ADAM29: variants seen among roughly 807,000 people sequenced by gnomAD.
The protein encoded by ADAM29 is disintegrin and metalloproteinase domain-containing protein 29.
For synonymous variants in ADAM29, 367 were observed against 342.3 expected (o/e 1.07, Z -0.80); for missense variants, 969 against 1,001.8 (o/e 0.97, Z 0.44).
chr4:174,977,961 G>C lies in ADAM29; in HGVS notation c.2436G>C (p.Gln812His), dbSNP rs759051071. The C allele has an allele frequency of 5.0e-6, 8 of 1,593,254 alleles. No individual in the cohort carries two copies. The highest frequency in any genetic ancestry group is 6.8e-6 in the Non-Finnish European group (8 of 1,168,520). ...SQRQPQLMPS[Q>H]SQPPVTPS ...GGCAACCTCAGTTGATGCCTTCCCA[G>C]AGTCAACCTCCTGTGACGCCCTCCT... The change falls in exon 5 of 5, where the codon CAG becomes CAC. Residue 812 changes from glutamine (Q) to histidine (H), a missense_variant. Coordinates refer to ENST00000359240, the MANE Select transcript of ADAM29 (RefSeq NM_014269.4).
Position 174,957,291 on chromosome 4 carries a change from C to G in ADAM29, c.-180-18055C>G, listed in dbSNP as rs1003366119. On this transcript the variant is annotated intron_variant, in intron 4 of 4. Transcript: ENST00000359240. ...TACTCACTCTGTAATGAGCTTAATG[C>G]TAAGGATTATATTATTGCAAATGAT... 3.1e-4 allele frequency among the ~76,000 whole-genome samples: 47 copies of G among 151,874 alleles called. 2 individuals carry two copies. The highest frequency in any genetic ancestry group is 3.0e-3 in the Admixed American group (45 of 15,252).
intron 2 of ADAM29, among the ~76,000 whole-genome samples, chr4:174,926,321 A>C (rs990484539): frequency 4.6e-5 from 7 of 152,168 alleles, no homozygotes; most frequent in Admixed American, 3.3e-4. Flanking sequence ...ACACAAGTTT[A>C]CTTAGCCTAA....
chr4:174,923,590 A>G (rs1743313624), intron 2 of ADAM29, among the ~76,000 whole-genome samples: 1 of 145,908 alleles, frequency 6.9e-6, no homozygotes, highest in Admixed American at 7.0e-5. Flanking sequence ...TTTAAAAAAT[A>G]TTTTCCACCA....
At chr4:174,945,867 C>G (rs772011666) in intron 4 of ADAM29, among the ~76,000 whole-genome samples, 2 of 152,048 alleles carry the variant, frequency 1.3e-5, no homozygotes, top group Non-Finnish European at 2.9e-5. Flanking sequence ...GTTTTTGCAC[C>G]AGTACCATGC....
chr4:174,976,741 GA>G lies in ADAM29; in HGVS notation c.1218del (p.Glu407LysfsTer10). On this transcript the variant is annotated frameshift_variant, in exon 5 of 5. Transcript: ENST00000359240. LOFTEE classifies it low-confidence loss of function (END_TRUNC). ...NVKRCGNGVV[E>X]EGEECDCGPL... ...GAAGCGCTGTGGGAATGGTGTTGTT[GA>G]AGAAGGAGAAGAGTGTGACTGTGGA... The G allele has an allele frequency of 6.2e-7, 1 of 1,613,964 alleles. No individual in the cohort carries two copies. The highest frequency in any genetic ancestry group is 8.5e-7 in the Non-Finnish European group (1 of 1,179,904).
At chr4:174,925,387 A>G (rs2110905675) in intron 2 of ADAM29, among the ~76,000 whole-genome samples, 1 of 152,300 alleles carries the variant, frequency 6.6e-6, no homozygotes, top group East Asian at 1.9e-4. Context: ...TCTGTAAATT[A>G]AAACGGTTTT....
At chr4:174,936,525 C>A (rs1186751974) in intron 3 of ADAM29, among the ~76,000 whole-genome samples, 1 of 151,964 alleles carries the variant, frequency 6.6e-6, no homozygotes, top group Non-Finnish European at 1.5e-5. Context: ...CCTGCCCTGG[C>A]AACTCATTAT....
At position 174,976,067 on chromosome 4, in the gene ADAM29, A is replaced by G. The variant is rs1338280379; in HGVS notation, c.542A>G (p.Asp181Gly). The change falls in exon 5 of 5, where the codon GAT becomes GGT. Residue 181 changes from aspartate to glycine, a missense_variant. Transcript: ENST00000359240. The part of the protein sequence containing the change: ...ITCRMEFEEI[D>G]NSTQKQSSYV... ...TGCCGAATGGAATTTGAAGAAATTG[A>G]TAATTCCACTCAGAAGCAAAGTTCT... 6 of 1,610,164 alleles carry G rather than the reference A, an allele frequency of 3.7e-6. No individual in the cohort carries two copies. In the African/African-American group the frequency reaches 8.0e-5, roughly 22 times the overall value.
At chr4:174,973,524 C>G (rs780773477) in intron 4 of ADAM29, among the ~76,000 whole-genome samples, 29 of 152,178 alleles carry the variant, frequency 1.9e-4, no homozygotes, top group Non-Finnish European at 3.4e-4. Flanking sequence ...CGGTGCAGAA[C>G]TTCCCACTCT....
chr4:174,934,681 T>G (rs1051079065), intron 3 of ADAM29, among the ~76,000 whole-genome samples: 1 of 152,172 alleles, frequency 6.6e-6, no homozygotes, highest in African/African-American at 2.4e-5. Context: ...TCCCCAGAGA[T>G]TCTGACTCAG....
At chr4:174,961,324 T>TATATA (rs1451244130) in intron 4 of ADAM29, among the ~76,000 whole-genome samples, 1 of 151,320 alleles carries the variant, frequency 6.6e-6, no homozygotes, top group African/African-American at 2.4e-5. Context: ...CATTATATAG[T>TATATA]TGATATATTA....
chr4:174,960,211 C>T (rs1034153011), intron 4 of ADAM29, among the ~76,000 whole-genome samples: 2 of 151,784 alleles, frequency 1.3e-5, no homozygotes, highest in African/African-American at 4.8e-5. Flanking sequence ...GAATAATATA[C>T]CTAGGCTACT....
chr4:174,938,820 C>T (rs1744348450), intron 4 of ADAM29, among the ~76,000 whole-genome samples: 1 of 152,094 alleles, frequency 6.6e-6, no homozygotes, highest in Non-Finnish European at 1.5e-5. Context: ...GTTGAAGAGT[C>T]CAAAATCCAG....
At chr4:174,944,711 C>G (rs1744741730) in intron 4 of ADAM29, among the ~76,000 whole-genome samples, 1 of 152,112 alleles carries the variant, frequency 6.6e-6, no homozygotes, top group Non-Finnish European at 1.5e-5. Context: ...GCCCTCATGT[C>G]TGTTGTTCTA....
chr4:174,944,464 C>T (rs1744723597), intron 4 of ADAM29, among the ~76,000 whole-genome samples: 2 of 151,952 alleles, frequency 1.3e-5, no homozygotes, highest in African/African-American at 2.4e-5. Flanking sequence ...GTTTTATTTT[C>T]ATTTCATATT....
intron 3 of ADAM29, among the ~76,000 whole-genome samples, chr4:174,936,333 G>A (rs1744199388): frequency 6.6e-6 from 1 of 151,788 alleles, no homozygotes; most frequent in South Asian, 2.1e-4. Flanking sequence ...GATTTTGAAA[G>A]GTCAAAAGTT....
At position 174,918,447 on chromosome 4, in the gene ADAM29, T is replaced by C. The variant is rs1742986113; in HGVS notation, c.-581T>C. 6.6e-6 allele frequency: 1 copy of C among 152,184 alleles called. No individual in the cohort carries two copies. Among genetic ancestry groups the C allele is most frequent in the African/African-American group, 2.4e-5 (1 of 41,446 alleles). 9.4% of individuals were successfully genotyped at this position (152,184 alleles called of 1,614,324 possible). On this transcript the variant is annotated 5_prime_UTR_variant, in exon 1 of 5. Transcript: ENST00000359240. ...TGATGGCCTGTTCCTGCACATTTCC[T>C]GAGGACGCCCTCGATCACAAGCAGG...
chr4:174,945,375 A>G (rs1200474535), intron 4 of ADAM29, among the ~76,000 whole-genome samples: 1 of 152,028 alleles, frequency 6.6e-6, no homozygotes, highest in Admixed American at 6.6e-5. Flanking sequence ...CTTAATTTCC[A>G]TATAGATTCT....
intron 2 of ADAM29, among the ~76,000 whole-genome samples, chr4:174,921,343 C>T (rs192530134): frequency 7.9e-4 from 120 of 152,262 alleles, no homozygotes; most frequent in African/African-American, 2.1e-3. Flanking sequence ...TGTGACATTA[C>T]GCACACATGT....
Sources: allele counts gnomAD v4.1 joint callset (sites outside exome capture counted in the v4.1 genomes callset), GRCh38; gene constraint gnomAD v4.1.1; transcripts MANE v1.5; gene names NCBI Gene and HGNC (gene_info 2026-07-23, HGNC 2026-07-21).